The following RIGI variants were observed in gnomAD, a reference collection of about 807,000 sequenced individuals.
RIGI encodes antiviral innate immune response receptor RIG-I.
chr9:32,483,375 G>T, the RIGI span, among the ~76,000 whole-genome samples: 1 of 152,114 alleles, frequency 6.6e-6, no homozygotes, highest in Non-Finnish European at 1.5e-5. Flanking sequence ...ATTGAACCTG[G>T]GTAGGTGTAA....
the RIGI span, chr9:32,489,405 G>T: frequency 6.2e-6 from 10 of 1,613,364 alleles, no homozygotes; most frequent in African/African-American, 2.7e-5. Flanking sequence ...GCTCTAATTG[G>T]TAATTTCTTG....
chr9:32,474,430 G>A, the RIGI span, among the ~76,000 whole-genome samples: 1 of 152,240 alleles, frequency 6.6e-6, no homozygotes, highest in African/African-American at 2.4e-5. Context: ...TGAGTGTGAA[G>A]GGGACTTACT....
At chr9:32,465,106 A>G in the RIGI span, among the ~76,000 whole-genome samples, 1 of 152,204 alleles carries the variant, frequency 6.6e-6, no homozygotes, top group Non-Finnish European at 1.5e-5. Context: ...TGTATTGGCA[A>G]TATATTTTAC....
chr9:32,521,343 G>C, the RIGI span, among the ~76,000 whole-genome samples: 1 of 152,012 alleles, frequency 6.6e-6, no homozygotes, highest in Non-Finnish European at 1.5e-5. Context: ...TGAACTGTGG[G>C]GGGAAGAAAA....
the RIGI span, among the ~76,000 whole-genome samples, chr9:32,515,754 C>T: frequency 1.3e-5 from 2 of 152,196 alleles, no homozygotes; most frequent in Non-Finnish European, 2.9e-5. Flanking sequence ...TGGGTGGCCC[C>T]AAAAGTCAAT....
chr9:32,491,076 GA>G, the RIGI span, among the ~76,000 whole-genome samples: 2 of 150,914 alleles, frequency 1.3e-5, no homozygotes, highest in South Asian at 2.1e-4. Context: ...GGTAGAAGAA[GA>G]AAAAAAAGAT....
chr9:32,504,269 G>T, the RIGI span, among the ~76,000 whole-genome samples: 1 of 152,090 alleles, frequency 6.6e-6, no homozygotes, highest in Admixed American at 6.6e-5. Flanking sequence ...GGGGGAATGT[G>T]GATAAGCTCC....
the RIGI span, among the ~76,000 whole-genome samples, chr9:32,458,717 A>G: frequency 6.6e-6 from 1 of 152,182 alleles, no homozygotes; most frequent in South Asian, 2.1e-4. Flanking sequence ...CCCTTTACCC[A>G]GTTTCCCCAA....
the RIGI span, among the ~76,000 whole-genome samples, chr9:32,494,874 A>G: frequency 0.013 from 2,012 of 152,228 alleles, 41 homozygotes; most frequent in East Asian, 0.088. Flanking sequence ...TTTAAGGCTG[A>G]ATAATATTCC....
At chr9:32,509,317 T>C in the RIGI span, among the ~76,000 whole-genome samples, 1 of 152,176 alleles carries the variant, frequency 6.6e-6, no homozygotes, top group Non-Finnish European at 1.5e-5. Flanking sequence ...AGACACCTCC[T>C]ACCAGGGTCA....
At chr9:32,498,982 C>CAAAAAAAA in the RIGI span, among the ~76,000 whole-genome samples, 1 of 97,636 alleles carries the variant, frequency 1.0e-5, no homozygotes. Context: ...GACTCTGTCT[C>CAAAAAAAA]AAAAAAAAAA....
the RIGI span, chr9:32,493,918 A>G: frequency 1.2e-6 from 2 of 1,607,252 alleles, no homozygotes; most frequent in Non-Finnish European, 8.5e-7. Context: ...CCAACTTTCA[A>G]TGGCTTCATA....
the RIGI span, among the ~76,000 whole-genome samples, chr9:32,485,887 C>T: frequency 6.6e-6 from 1 of 152,050 alleles, no homozygotes; most frequent in African/African-American, 2.4e-5. Flanking sequence ...TCTGATGAGG[C>T]GGGCATCTCT....
At chr9:32,488,251 G>T in the RIGI span, 4 of 1,567,700 alleles carry the variant, frequency 2.6e-6, no homozygotes, top group Non-Finnish European at 3.5e-6. Context: ...TGTGGATAAG[G>T]AACCACAAAG....
At chr9:32,481,041 A>C in the RIGI span, among the ~76,000 whole-genome samples, 4 of 152,194 alleles carry the variant, frequency 2.6e-5, no homozygotes, top group African/African-American at 9.7e-5. Context: ...TTGTATCTGG[A>C]ATAATGTTCT....
At chr9:32,505,668 TAAGA>T in the RIGI span, among the ~76,000 whole-genome samples, 1 of 152,222 alleles carries the variant, frequency 6.6e-6, no homozygotes. Context: ...TTTAAATAAG[TAAGA>T]TTTAACAAAT....
At chr9:32,504,754 TATAAAATATATTTAATAC>T in the RIGI span, among the ~76,000 whole-genome samples, 1 of 138,032 alleles carries the variant, frequency 7.2e-6, no homozygotes, top group South Asian at 2.2e-4. Context: ...ACATAAAATA[TATAAAATATATTTAATAC>T]ATAAAATATA....
the RIGI span, chr9:32,457,059 A>G: frequency 3.9e-6 from 5 of 1,275,784 alleles, no homozygotes; most frequent in South Asian, 1.3e-5. Context: ...TATACCCACT[A>G]TGTTTGTTTC....
the RIGI span, among the ~76,000 whole-genome samples, chr9:32,467,437 T>C: frequency 3.3e-5 from 5 of 152,212 alleles, no homozygotes; most frequent in Non-Finnish European, 5.9e-5. Flanking sequence ...CCTTCTTGAA[T>C]ACAGGGGGCC....
Sources: allele counts gnomAD v4.1 joint callset (sites outside exome capture counted in the v4.1 genomes callset), GRCh38; gene constraint gnomAD v4.1.1; transcripts MANE v1.5; gene names NCBI Gene and HGNC (gene_info 2026-07-23, HGNC 2026-07-21).